Variants in GRIA4 observed in about 807,000 individuals in gnomAD.
GRIA4 encodes the protein glutamate receptor 4.
In GRIA4, 34 loss-of-function variants were observed where a neutral mutation model predicts 104.0. The observed-to-expected ratio is 0.33, with a 90% confidence interval of 0.25 to 0.44. The LOEUF (loss-of-function observed/expected upper bound fraction) is 0.44. Ranked by LOEUF, GRIA4 falls within the 20% of genes least tolerant of loss-of-function variation. The pLI is 1.00. For synonymous variants in GRIA4, 386 were observed against 381.9 expected (o/e 1.01, Z -0.13); for missense variants, 750 against 1,096.5 (o/e 0.68, Z 4.46).
At chr11:105,832,242 A>G (rs1371016788) in intron 4 of GRIA4, among the ~76,000 whole-genome samples, 1 of 151,994 alleles carries the variant, frequency 6.6e-6, no homozygotes, top group Non-Finnish European at 1.5e-5. Context: ...GAGACAGAGC[A>G]GTAAAAGCCA....
intron 14 of GRIA4, among the ~76,000 whole-genome samples, chr11:105,946,646 A>G (rs1948321884): frequency 1.3e-5 from 2 of 152,170 alleles, no homozygotes; most frequent in African/African-American, 4.8e-5. Context: ...GTTGAGCTCG[A>G]AAAAGAAAAA....
chr11:105,930,209 A>T (rs995317273), intron 13 of GRIA4, among the ~76,000 whole-genome samples: 2 of 152,114 alleles, frequency 1.3e-5, no homozygotes, highest in African/African-American at 2.4e-5. Flanking sequence ...ACTCTCTTGC[A>T]GTCACAGATA....
At chr11:105,923,109 C>G (rs1268286135) in intron 11 of GRIA4, among the ~76,000 whole-genome samples, 1 of 152,104 alleles carries the variant, frequency 6.6e-6, no homozygotes, top group Admixed American at 6.6e-5. Flanking sequence ...TGTATAGAAC[C>G]AGGAGCCTGA....
At chr11:105,632,360 G>A (rs1396124537) in intron 3 of GRIA4, among the ~76,000 whole-genome samples, 1 of 152,106 alleles carries the variant, frequency 6.6e-6, no homozygotes, top group Non-Finnish European at 1.5e-5. Context: ...CACTTTCCCA[G>A]TTTCAAAGAC....
intron 4 of GRIA4, among the ~76,000 whole-genome samples, chr11:105,790,195 A>AT (rs1426645371): frequency 6.6e-6 from 1 of 152,040 alleles, no homozygotes; most frequent in African/African-American, 2.4e-5. Context: ...ACTTCTCCAA[A>AT]TTTTTTTATT....
intron 4 of GRIA4, among the ~76,000 whole-genome samples, chr11:105,777,549 A>C (rs1013186016): frequency 3.3e-5 from 5 of 152,178 alleles, no homozygotes; most frequent in Non-Finnish European, 5.9e-5. Flanking sequence ...TTAACACATG[A>C]CCATTCAAGA....
rs144476840 is a variant in GRIA4 at position 105,685,677 on chromosome 11, G to C, written c.248-67304G>C. Among the ~76,000 whole-genome samples the C allele has an allele frequency of 7.2e-3, 1,091 of 152,256 alleles. 18 individuals carry two copies. The highest frequency in any genetic ancestry group is 0.025 in the African/African-American group (1,026 of 41,538). Reference sequence around the variant, plus strand: ...GGTGAATTAGTTTGGATACAGAATGGAAGTAGGATGGAGGACATTCTATGA... The same window carrying C: ...GGTGAATTAGTTTGGATACAGAATGCAAGTAGGATGGAGGACATTCTATGA... On this transcript the variant is annotated intron_variant, in intron 3 of 16. Coordinates refer to ENST00000282499, the MANE Select transcript of GRIA4 (RefSeq NM_000829.4).
intron 10 of GRIA4, chr11:105,912,719 A>G: frequency 1.0e-6 from 1 of 961,138 alleles, no homozygotes; most frequent in Non-Finnish European, 1.2e-6. Flanking sequence ...AGTAATTCAA[A>G]AAGACATACT....
At chr11:105,782,540 G>C (rs1314105014) in intron 4 of GRIA4, among the ~76,000 whole-genome samples, 2 of 152,136 alleles carry the variant, frequency 1.3e-5, no homozygotes, top group African/African-American at 2.4e-5. Flanking sequence ...CAAAGTTATA[G>C]AGTTCAGTTT....
At chr11:105,774,444 G>A (rs1941364333) in intron 4 of GRIA4, among the ~76,000 whole-genome samples, 1 of 151,886 alleles carries the variant, frequency 6.6e-6, no homozygotes, top group African/African-American at 2.4e-5. Flanking sequence ...TAATAAAAGT[G>A]GAAATTGAAG....
Position 105,924,717 on chromosome 11 carries a change from C to A in GRIA4, c.1795C>A (p.Leu599Ile). The change falls in exon 12 of 17, where the codon CTC (leucine) becomes ATC (isoleucine). Residue 599 changes from leucine to isoleucine, a missense_variant. By Grantham distance (5) the Leu-to-Ile change is conservative. Around this residue, in one of 3 missense-constraint regions of GRIA4, gnomAD observed 272 missense variants for 524.5 expected, o/e 0.52. Transcript: ENST00000282499. ...PPNEFGIFNSLWFSLGAFMQQ... is the reference protein window; with the variant it reads ...PPNEFGIFNSIWFSLGAFMQQ... ...CAATGAGTTTGGCATCTTTAACAGCCTCTGGTTTTCCCTGGGTGCTTTTAT... is the reference window on the plus strand; with the variant it reads ...CAATGAGTTTGGCATCTTTAACAGCATCTGGTTTTCCCTGGGTGCTTTTAT... 1 of 1,612,108 alleles carries A rather than the reference C, an allele frequency of 6.2e-7. No homozygotes were observed. The highest frequency in any genetic ancestry group is 8.5e-7 in the Non-Finnish European group (1 of 1,178,640).
At chr11:105,871,154 C>CT (rs1399683003) in intron 5 of GRIA4, among the ~76,000 whole-genome samples, 3 of 151,890 alleles carry the variant, frequency 2.0e-5, no homozygotes, top group Non-Finnish European at 4.4e-5. Context: ...ATATATAATG[C>CT]CATATAGTGA....
At chr11:105,818,551 A>C (rs911368237) in intron 4 of GRIA4, among the ~76,000 whole-genome samples, 1 of 152,208 alleles carries the variant, frequency 6.6e-6, no homozygotes, top group African/African-American at 2.4e-5. Flanking sequence ...CAACAGAGAT[A>C]ATTCAGATGG....
chr11:105,707,509 T>C (rs1223011403), intron 3 of GRIA4: 1 of 152,264 alleles, frequency 6.6e-6, no homozygotes, highest in Non-Finnish European at 1.5e-5. Flanking sequence ...TAATGCCAAA[T>C]GAGCTGCTGT....
At chr11:105,874,557 ATGTTTTTCCATT>A (rs1945745026) in intron 5 of GRIA4, among the ~76,000 whole-genome samples, 1 of 152,120 alleles carries the variant, frequency 6.6e-6, no homozygotes, top group Non-Finnish European at 1.5e-5. Context: ...TAAGCATGGA[ATGTTTTTCCATT>A]TGTTTGTGTC....
At chr11:105,714,257 A>C (rs1017652953) in intron 3 of GRIA4, among the ~76,000 whole-genome samples, 15 of 32,842 alleles carry the variant, frequency 4.6e-4, no homozygotes, top group Middle Eastern at 0.021. Flanking sequence ...TGAAAAACAA[A>C]AAAAAAAATC....
intron 4 of GRIA4, among the ~76,000 whole-genome samples, chr11:105,786,737 C>G (rs1941985228): frequency 6.6e-6 from 1 of 152,100 alleles, no homozygotes; most frequent in African/African-American, 2.4e-5. Context: ...AGCGATTTTG[C>G]TATTACTCTG....
intron 3 of GRIA4, among the ~76,000 whole-genome samples, chr11:105,727,138 A>G (rs1938263318): frequency 6.6e-6 from 1 of 152,020 alleles, no homozygotes; most frequent in African/African-American, 2.4e-5. Context: ...AAGAACTTGG[A>G]AAAAAGGTTA....
chr11:105,698,520 C>T (rs1475108280), intron 3 of GRIA4, among the ~76,000 whole-genome samples: 1 of 152,022 alleles, frequency 6.6e-6, no homozygotes, highest in African/African-American at 2.4e-5. Flanking sequence ...AATCTGTTTC[C>T]CTGGTAACAA....
Sources: allele counts gnomAD v4.1 joint callset (sites outside exome capture counted in the v4.1 genomes callset), GRCh38; gene constraint gnomAD v4.1.1; regional missense constraint gnomAD v4.1.1; transcripts MANE v1.5; gene names NCBI Gene and HGNC (gene_info 2026-07-23, HGNC 2026-07-21).